STX7: variants seen among roughly 807,000 people sequenced by gnomAD.
The protein encoded by STX7 is syntaxin 7.
STX7 carries 34 observed loss-of-function variants against 39.6 expected under a neutral mutation model. That is an observed-to-expected ratio of 0.86 (90% CI 0.65 to 1.14). The LOEUF (loss-of-function observed/expected upper bound fraction) is 1.14. Among genes scored for constraint, STX7 ranks in the 50% most tolerant of loss-of-function variants. STX7 has a pLI of 0.00. For missense variants in STX7, 284 were observed against 310.4 expected (o/e 0.92, Z 0.64); for synonymous variants, 119 against 99.1 (o/e 1.20, Z -1.19).
Position 132,457,452 on chromosome 6 carries a change from G to A in STX7, c.*3306C>T, listed in dbSNP as rs1020688779. ...ATTCCTAAATACTCAGAAAAAAATG[G>A]TTTTATCTTAATTGATTTATAAATT... On this transcript the variant is annotated 3_prime_UTR_variant, in exon 10 of 10. Transcript: ENST00000367941. 6.6e-6 allele frequency: 1 copy of A among 152,126 alleles called. No individual in the cohort carries two copies. The highest frequency in any genetic ancestry group is 2.4e-5 in the African/African-American group (1 of 41,426). The allele number at this position is 152,126 out of a possible 1,614,324, so 9.4% of individuals were successfully genotyped here.
chr6:132,511,904 A>G (rs1775854436), intron 1 of STX7, among the ~76,000 whole-genome samples: 2 of 152,244 alleles, frequency 1.3e-5, no homozygotes, highest in South Asian at 2.1e-4. Context: ...CAAGAGCAAC[A>G]TAAGTAACAT....
chr6:132,501,620 C>A (rs1302864602), intron 2 of STX7, among the ~76,000 whole-genome samples: 1 of 152,114 alleles, frequency 6.6e-6, no homozygotes, highest in East Asian at 1.9e-4. Flanking sequence ...TTTCATACTA[C>A]CTACTGCTTG....
chr6:132,502,800 G>A (rs890165196), intron 2 of STX7, among the ~76,000 whole-genome samples: 3 of 152,140 alleles, frequency 2.0e-5, no homozygotes, highest in Admixed American at 6.5e-5. Flanking sequence ...TGGGGAGGCT[G>A]AGGCAGGAGA....
chr6:132,461,773 G>A, intron 9 of STX7: 1 of 1,464,950 alleles, frequency 6.8e-7, no homozygotes, highest in Non-Finnish European at 9.1e-7. Flanking sequence ...GAATGGTTAA[G>A]AATTTTGTTC....
chr6:132,492,892 C>T (rs1201413172), intron 2 of STX7, among the ~76,000 whole-genome samples: 3 of 152,168 alleles, frequency 2.0e-5, no homozygotes, highest in African/African-American at 7.2e-5. Flanking sequence ...CAACTAAAAT[C>T]ACTGGGTGTA....
chr6:132,458,345 T>A lies in STX7; in HGVS notation c.*2413A>T, dbSNP rs1223448479. 6.6e-6 allele frequency: 1 copy of A among 152,148 alleles called. No homozygotes were observed. The highest frequency in any genetic ancestry group is 2.4e-5 in the African/African-American group (1 of 41,418). The allele number at this position is 152,148 out of a possible 1,614,324, so 9.4% of individuals were successfully genotyped here. On this transcript the variant is annotated 3_prime_UTR_variant, in exon 10 of 10. Transcript: ENST00000367941. Reference sequence around the variant, plus strand: ...CACACCTACTAAAAAAACAAGCTACTCTAGTATCAATATGACATCACTCTT... The same window carrying A: ...CACACCTACTAAAAAAACAAGCTACACTAGTATCAATATGACATCACTCTT...
At chr6:132,483,562 T>C (rs1006334683) in intron 2 of STX7, among the ~76,000 whole-genome samples, 2 of 152,356 alleles carry the variant, frequency 1.3e-5, no homozygotes, top group South Asian at 2.1e-4. Context: ...CATTTTCATC[T>C]GCTGCTCTTA....
rs1176526138 is a variant in STX7, at chr6:132,509,497, CATAACATAACATAACATAAA to C, written c.-59+3490_-59+3509del. On this transcript the variant is annotated intron_variant, in intron 1 of 9. Coordinates refer to ENST00000367941, the MANE Select transcript of STX7 (RefSeq NM_003569.3). ...CATAACATAACATAACATAACATAA[CATAACATAACATAACATAAA>C]ATAAAAAAAGACAAAAGAAAAACCA... Among the ~76,000 whole-genome samples, 4 of 130,298 alleles carry C rather than the reference CATAACATAACATAACATAAA, an allele frequency of 3.1e-5. 1 individual carries two copies. The highest frequency in any genetic ancestry group is 6.3e-5 in the Non-Finnish European group (4 of 63,280). 85.5% of individuals were successfully genotyped at this position (130,298 alleles called of 152,430 possible). A position where few individuals can be genotyped will look rare whatever the true frequency, so the allele number is the denominator to read the frequency against.
At position 132,470,598 on chromosome 6, in the gene STX7, T is replaced by C; in HGVS notation, c.416A>G (p.Glu139Gly). The change falls in exon 6 of 10, where the codon GAA becomes GGA. Residue 139 changes from glutamate (E) to glycine (G), a missense_variant. Physicochemically the swap from Glu to Gly is moderately conservative, Grantham distance 98 (BLOSUM62 -2). Transcript: ENST00000367941. ...SGSFPEDSSK[E>G]RNLVSWESQT... ...CCTTTCCCAGGATACAAGATTCCTT[T>C]CTTTTGAGCTGTCCTCAGGAAAACT... 2 of 1,608,282 alleles carry C rather than the reference T, an allele frequency of 1.2e-6. No homozygotes were observed. The highest frequency in any genetic ancestry group is 1.1e-5 in the South Asian group (1 of 90,390).
In STX7 at chr6:132,487,849, T is replaced by C. The variant is rs895772143; in HGVS notation, c.86-12187A>G. ...TCTGGTTAGATGTTTATCAGTTCTATTGATCTCAAAGAAATAGCTTTTGGT... is the reference window on the plus strand; with the variant it reads ...TCTGGTTAGATGTTTATCAGTTCTACTGATCTCAAAGAAATAGCTTTTGGT... On this transcript the variant is annotated intron_variant, in intron 2 of 9. Coordinates refer to ENST00000367941, the MANE Select transcript of STX7 (RefSeq NM_003569.3). Among the ~76,000 whole-genome samples, 4 of 152,314 alleles carry C rather than the reference T, an allele frequency of 2.6e-5. No individual in the cohort carries two copies. In the East Asian group the frequency reaches 5.8e-4, roughly 22 times the overall value.
At chr6:132,461,920 T>C in intron 9 of STX7, 1 of 1,387,076 alleles carries the variant, frequency 7.2e-7, no homozygotes. Context: ...CCAAAATATT[T>C]ATAAAAAGAT....
intron 5 of STX7, among the ~76,000 whole-genome samples, chr6:132,470,923 T>C (rs770850789): frequency 2.6e-4 from 39 of 152,170 alleles, no homozygotes; most frequent in Non-Finnish European, 4.7e-4. Context: ...CTTAATGTAG[T>C]CTTGGAATCC....
In STX7 at chr6:132,503,455, T is replaced by C. The variant is rs372605930; in HGVS notation, c.76A>G (p.Thr26Ala). The change falls in exon 2 of 10, where the codon ACA becomes GCA. Residue 26 changes from threonine to alanine, a missense_variant. Thr to Ala is a moderately conservative substitution (Grantham distance 58). Transcript: ENST00000367941. ...TTAAAACTCAACTCACAACACTGTG[T>C]GATCTTCTGGATGTTAGAAGAGATC... ...QRISSNIQKI[T>A]QCSVEIQRTL... 12 of 1,613,800 alleles carry C rather than the reference T, an allele frequency of 7.4e-6. No individual in the cohort carries two copies. The highest frequency in any genetic ancestry group is 1.0e-5 in the Non-Finnish European group (12 of 1,179,818).
At chr6:132,481,840 T>C (rs1456884416) in intron 2 of STX7, among the ~76,000 whole-genome samples, 1 of 152,234 alleles carries the variant, frequency 6.6e-6, no homozygotes, top group African/African-American at 2.4e-5. Flanking sequence ...GTGTGTTCTA[T>C]TGGAGGACAA....
chr6:132,495,013 T>C (rs1405537194), intron 2 of STX7, among the ~76,000 whole-genome samples: 1 of 152,080 alleles, frequency 6.6e-6, no homozygotes, highest in Non-Finnish European at 1.5e-5. Flanking sequence ...AGATTTACAC[T>C]TAGATTAAAC....
chr6:132,483,749 T>G (rs1305584757), intron 2 of STX7, among the ~76,000 whole-genome samples: 1 of 152,180 alleles, frequency 6.6e-6, no homozygotes, highest in Non-Finnish European at 1.5e-5. Context: ...TCACAGGATC[T>G]TCTGCGACAC....
At chr6:132,484,472 A>G (rs1177107714) in intron 2 of STX7, among the ~76,000 whole-genome samples, 1 of 152,184 alleles carries the variant, frequency 6.6e-6, no homozygotes, top group African/African-American at 2.4e-5. Flanking sequence ...TTCACCAGCA[A>G]ATGGATGCTG....
chr6:132,462,981 G>A (rs940957117), intron 9 of STX7, among the ~76,000 whole-genome samples: 1 of 152,126 alleles, frequency 6.6e-6, no homozygotes, highest in Non-Finnish European at 1.5e-5. Context: ...CAGCACTTTG[G>A]GAGACTGAGA....
rs558241540 is a variant in STX7, at chr6:132,446,125, C to T, written c.*14633G>A. On this transcript the variant is annotated 3_prime_UTR_variant, in exon 10 of 10. Transcript: ENST00000367941. ...GAACATGCAGTTTCCCAAACAGTAA[C>T]CTCTCTTTACAAGGTTATGCTTATT... is the stretch of plus-strand genomic sequence containing the variant. 6.6e-6 allele frequency: 1 copy of T among 152,316 alleles called. No individual in the cohort carries two copies. The highest frequency in any genetic ancestry group is 2.4e-5 in the African/African-American group (1 of 41,584). The allele number at this position is 152,316 out of a possible 1,614,324, so 9.4% of individuals were successfully genotyped here.
Sources: allele counts gnomAD v4.1 joint callset (sites outside exome capture counted in the v4.1 genomes callset), GRCh38; gene constraint gnomAD v4.1.1; transcripts MANE v1.5; gene names NCBI Gene and HGNC (gene_info 2026-07-23, HGNC 2026-07-21).